LRRTM3: variants seen among roughly 807,000 people sequenced by gnomAD.
LRRTM3 encodes leucine-rich repeat transmembrane neuronal protein 3.
Under a neutral mutation model 44.7 loss-of-function variants are expected in LRRTM3, and 24 were observed. The ratio of observed to expected loss-of-function variants is 0.54; its 90% CI spans 0.39 to 0.76. LRRTM3 has a LOEUF of 0.76. LRRTM3 is among the 30% of genes least tolerant of loss of function. LRRTM3 has a pLI of 0.00. For synonymous variants in LRRTM3, 277 were observed against 278.7 expected (o/e 0.99, Z 0.06); for missense variants, 587 against 702.2 (o/e 0.84, Z 1.85).
rs187491247 is a variant in LRRTM3, at chr10:67,095,534, A to G, written c.1537-2053A>G. On this transcript the variant is annotated intron_variant, in intron 2 of 2. Transcript: ENST00000361320. Reference sequence around the variant, plus strand: ...CTCTGCATACCAGTCAGTAGCCTTGATACATTAAATCAAGCAGGAAATTGT... The same window carrying G: ...CTCTGCATACCAGTCAGTAGCCTTGGTACATTAAATCAAGCAGGAAATTGT... Among the ~76,000 whole-genome samples, 19 of 151,944 alleles carry G rather than the reference A, an allele frequency of 1.3e-4. No individual in the cohort carries two copies. The East Asian group carries it at 3.5e-3, about 28-fold the overall frequency.
intron 2 of LRRTM3, among the ~76,000 whole-genome samples, chr10:66,971,133 G>A (rs1415292341): frequency 6.6e-6 from 1 of 151,988 alleles, no homozygotes; most frequent in Non-Finnish European, 1.5e-5. Flanking sequence ...GCAGGATAGT[G>A]AAGTTAAAAA....
At chr10:66,937,994 CCTT>C (rs1471787538) in intron 2 of LRRTM3, among the ~76,000 whole-genome samples, 3 of 151,858 alleles carry the variant, frequency 2.0e-5, no homozygotes, top group Non-Finnish European at 4.4e-5. Context: ...CTCTTCTTTT[CCTT>C]CTTCTTCCAA....
chr10:66,964,239 A>C (rs1849279137), intron 2 of LRRTM3, among the ~76,000 whole-genome samples: 1 of 151,520 alleles, frequency 6.6e-6, no homozygotes, highest in Non-Finnish European at 1.5e-5. Context: ...CTTTCCTTAG[A>C]CATTTAAAGT....
At chr10:67,021,048 C>A (rs1852978587) in intron 2 of LRRTM3, among the ~76,000 whole-genome samples, 1 of 152,130 alleles carries the variant, frequency 6.6e-6, no homozygotes, top group Admixed American at 6.5e-5. Context: ...ATTAAAACTT[C>A]TCTTTGTTTC....
intron 2 of LRRTM3, among the ~76,000 whole-genome samples, chr10:66,971,909 T>A (rs1433776063): frequency 6.6e-6 from 1 of 152,150 alleles, no homozygotes; most frequent in East Asian, 1.9e-4. Context: ...TCTTTTTTTT[T>A]TAAACATGCT....
intron 2 of LRRTM3, among the ~76,000 whole-genome samples, chr10:66,933,531 T>C (rs144832898): frequency 1.2e-4 from 18 of 152,300 alleles, no homozygotes; most frequent in East Asian, 7.7e-4. Context: ...GACATCATTA[T>C]TGAGCAAAAA....
At chr10:66,950,345 G>A (rs1398933783) in intron 2 of LRRTM3, among the ~76,000 whole-genome samples, 2 of 151,480 alleles carry the variant, frequency 1.3e-5, no homozygotes, top group Non-Finnish European at 2.9e-5. Context: ...ATTTTACAGG[G>A]AGGAAAAAAT....
intron 2 of LRRTM3, among the ~76,000 whole-genome samples, chr10:66,973,894 T>C (rs1373914368): frequency 6.6e-6 from 1 of 152,164 alleles, no homozygotes; most frequent in Non-Finnish European, 1.5e-5. Context: ...AGTGCTGGGA[T>C]TACAGGCGTG....
intron 2 of LRRTM3, among the ~76,000 whole-genome samples, chr10:66,978,541 A>ATAAAATAAAAATAAAAAAAATAAAAT (rs1437563245): frequency 5.4e-5 from 6 of 111,194 alleles, no homozygotes; most frequent in Non-Finnish European, 9.3e-5. Flanking sequence ...AAAAAAAAAA[A>ATAAAATAAAAATAAAAAAAATAAAAT]AAAAAAAAAA....
At chr10:67,040,656 G>A (rs1331557328) in intron 2 of LRRTM3, among the ~76,000 whole-genome samples, 1 of 152,040 alleles carries the variant, frequency 6.6e-6, no homozygotes, top group Admixed American at 6.6e-5. Flanking sequence ...TTATTAAGAT[G>A]ATGACACTGA....
chr10:67,047,530 G>C (rs1386399838), intron 2 of LRRTM3, among the ~76,000 whole-genome samples: 4 of 152,078 alleles, frequency 2.6e-5, no homozygotes, highest in Admixed American at 2.6e-4. Flanking sequence ...AGAAACATGT[G>C]TGCTTCTTGT....
intron 2 of LRRTM3, among the ~76,000 whole-genome samples, chr10:67,008,461 T>C (rs1474716179): frequency 1.3e-5 from 2 of 152,188 alleles, no homozygotes; most frequent in Non-Finnish European, 2.9e-5. Flanking sequence ...ACAGCTTTTT[T>C]GTTTGTTTTG....
intron 2 of LRRTM3, among the ~76,000 whole-genome samples, chr10:67,078,704 C>G (rs561155071): frequency 1.4e-4 from 21 of 151,976 alleles, no homozygotes; most frequent in South Asian, 1.2e-3. Context: ...TTTTAGTAGA[C>G]ATGGGGTTTC....
intron 2 of LRRTM3, among the ~76,000 whole-genome samples, chr10:67,036,615 T>G (rs759092149): frequency 6.6e-6 from 1 of 152,114 alleles, no homozygotes; most frequent in South Asian, 2.1e-4. Flanking sequence ...AAGTGATCAT[T>G]TCACCCTGGA....
chr10:66,949,382 C>A (rs1488438777), intron 2 of LRRTM3, among the ~76,000 whole-genome samples: 3 of 151,968 alleles, frequency 2.0e-5, no homozygotes. Flanking sequence ...CATGGAGAAA[C>A]CCCGTCTCTA....
intron 2 of LRRTM3, among the ~76,000 whole-genome samples, chr10:67,091,899 A>G (rs961624003): frequency 2.0e-5 from 3 of 152,106 alleles, no homozygotes; most frequent in African/African-American, 7.2e-5. Flanking sequence ...TTTGAAACAA[A>G]TTTAAAGACA....
chr10:66,987,110 C>T (rs756479725), intron 2 of LRRTM3, among the ~76,000 whole-genome samples: 2 of 152,156 alleles, frequency 1.3e-5, no homozygotes, highest in Non-Finnish European at 2.9e-5. Flanking sequence ...TTTTAGAGGA[C>T]AGCAAGCAGG....
intron 2 of LRRTM3, among the ~76,000 whole-genome samples, chr10:67,064,936 A>G (rs1381051271): frequency 2.6e-5 from 4 of 152,206 alleles, no homozygotes. Flanking sequence ...AGAACTTTCA[A>G]TAAAGAAAAT....
chr10:67,010,989 C>G (rs1852290449), intron 2 of LRRTM3, among the ~76,000 whole-genome samples: 1 of 152,030 alleles, frequency 6.6e-6, no homozygotes, highest in Non-Finnish European at 1.5e-5. Context: ...CAATATAAAT[C>G]TATAAAATCT....
Sources: gnomAD v4.1 joint callset for allele counts (sites outside exome capture counted in the v4.1 genomes callset) on GRCh38, gnomAD v4.1.1 for gene constraint, MANE v1.5 for transcripts, NCBI Gene and HGNC (gene_info 2026-07-23, HGNC 2026-07-21) for gene names.